Variants in ARHGEF7 observed in about 807,000 individuals in gnomAD.
ARHGEF7 encodes the protein Rho guanine nucleotide exchange factor 7.
Under a neutral mutation model 109.8 loss-of-function variants are expected in ARHGEF7, and 33 were observed. The observed-to-expected ratio is 0.30, with a 90% CI of 0.23 to 0.40. The LOEUF (loss-of-function observed/expected upper bound fraction) is 0.40. ARHGEF7 is among the 10% of genes least tolerant of loss of function. The pLI, the probability that ARHGEF7 is intolerant of heterozygous loss-of-function variation, is 1.00. For synonymous variants in ARHGEF7, 458 were observed against 424.6 expected, an observed-to-expected ratio of 1.08 and a Z score of -0.97; for missense variants, 938 against 1,098.5, an observed-to-expected ratio of 0.85 and a Z score of 2.07.
chr13:111,115,522 C>A lies in ARHGEF7; in HGVS notation c.-5C>A. ...CCCTCCCCGCCTGCCTCCCGGGCCG[C>A]AGCGATGAATTCCGCCGAGCAAACC... On this transcript the variant is annotated 5_prime_UTR_variant, in exon 1 of 22. Coordinates refer to ENST00000646102, the MANE Select transcript of ARHGEF7 (RefSeq NM_001354046.2). 1 of 1,347,694 alleles carries A rather than the reference C, an allele frequency of 7.4e-7. No individual in the cohort carries two copies. The highest frequency in any genetic ancestry group is 1.5e-5 in the South Asian group (1 of 68,308). 83.5% of individuals were successfully genotyped at this position (1,347,694 alleles called of 1,614,324 possible). A position where few individuals can be genotyped will look rare whatever the true frequency, so the allele number is the denominator to read the frequency against.
At chr13:111,234,589 C>T (rs374986075) in intron 6 of ARHGEF7, among the ~76,000 whole-genome samples, 37 of 152,200 alleles carry the variant, frequency 2.4e-4, no homozygotes, top group African/African-American at 8.9e-4. Flanking sequence ...ATCTGTGCAC[C>T]TTCTTGTGAG....
At chr13:111,123,228 C>A (rs1368665167) in intron 1 of ARHGEF7, among the ~76,000 whole-genome samples, 2 of 152,222 alleles carry the variant, frequency 1.3e-5, no homozygotes, top group Non-Finnish European at 2.9e-5. Context: ...CTCTCTCAGG[C>A]CCTGTGTCTA....
chr13:111,276,552 T>TTAG (rs1158889291), intron 12 of ARHGEF7, among the ~76,000 whole-genome samples: 6 of 152,216 alleles, frequency 3.9e-5, no homozygotes, highest in Admixed American at 3.9e-4. Flanking sequence ...CTTTATAATA[T>TTAG]TAGATCTATA....
rs545527985 is a variant in ARHGEF7 at position 111,118,726 on chromosome 13, G to A, written c.165+3035G>A. On this transcript the variant is annotated intron_variant, in intron 1 of 21. Coordinates refer to ENST00000646102, the MANE Select transcript of ARHGEF7 (RefSeq NM_001354046.2). ...TGTAGAGGATGGAAAATTTCTATAA[G>A]ACTAATACAACACATTAAAATCATG... Among the ~76,000 whole-genome samples, 47 of 152,282 alleles carry A rather than the reference G, an allele frequency of 3.1e-4. 1 individual carries two copies. Among genetic ancestry groups the A allele is most frequent in the African/African-American group, 1.1e-3 (46 of 41,554 alleles).
rs768494805 is a variant in ARHGEF7 at position 111,205,290 on chromosome 13, C to T, written c.254C>T (p.Thr85Met). 37 of 1,599,280 alleles carry T rather than the reference C, an allele frequency of 2.3e-5. No individual in the cohort carries two copies. The highest frequency in any genetic ancestry group is 3.1e-5 in the Non-Finnish European group (37 of 1,176,454). Residue 85 changes from threonine (T) to methionine (M), a missense_variant and splice_region_variant, in exon 3 of 22, where the codon ACG (threonine) becomes ATG (methionine). Physicochemically the swap from Thr to Met is moderately conservative, Grantham distance 81 (BLOSUM62 -1). This residue lies in a region of ARHGEF7 where 165 missense variants were observed against 125.8 expected (regional missense o/e 1.31). Coordinates refer to ENST00000646102, the MANE Select transcript of ARHGEF7 (RefSeq NM_001354046.2). ...TGCTTGTTTAATTTTTCCTTTCAGA[C>T]GTTTGATGCAAATGATTTGTATCAG... ...RGCGASLRLE[T>M]FDANDLYQGQ...
intron 5 of ARHGEF7, among the ~76,000 whole-genome samples, chr13:111,221,320 G>T (rs57289502): frequency 7.6e-4 from 12 of 15,804 alleles, no homozygotes; most frequent in Non-Finnish European, 9.1e-4. Context: ...TCTATATATA[G>T]ATATATATGT....
intron 6 of ARHGEF7, among the ~76,000 whole-genome samples, chr13:111,243,534 G>A (rs182204496): frequency 2.5e-4 from 38 of 152,322 alleles, no homozygotes; most frequent in Non-Finnish European, 2.4e-4. Context: ...ACACAGTGTC[G>A]TAGAGATTGA....
At chr13:111,269,181 C>G (rs986247565) in intron 9 of ARHGEF7, among the ~76,000 whole-genome samples, 1 of 152,190 alleles carries the variant, frequency 6.6e-6, no homozygotes, top group Non-Finnish European at 1.5e-5. Flanking sequence ...ACAGCGTCTC[C>G]AAGCGTCCAG....
chr13:111,288,516 C>A, intron 18 of ARHGEF7, 73 bp downstream of exon 18: 1 of 1,270,626 alleles, frequency 7.9e-7, no homozygotes, highest in Non-Finnish European at 1.1e-6. Flanking sequence ...TCTGAAGGAA[C>A]CTGTTGTGGT....
chr13:111,121,665 C>T (rs72670010), intron 1 of ARHGEF7, among the ~76,000 whole-genome samples: 1,698 of 152,358 alleles, frequency 0.011, 10 homozygotes, highest in Non-Finnish European at 0.019. Context: ...CTACCACGTG[C>T]ATCGCTGGGA....
intron 5 of ARHGEF7, among the ~76,000 whole-genome samples, chr13:111,226,501 G>A (rs973409313): frequency 7.2e-5 from 11 of 152,286 alleles, no homozygotes; most frequent in East Asian, 1.9e-4. Flanking sequence ...GCCTCTCTGC[G>A]CTGTAAGTTA....
At chr13:111,163,555 ATATT>A (rs561211403) in intron 2 of ARHGEF7, among the ~76,000 whole-genome samples, 36 of 152,146 alleles carry the variant, frequency 2.4e-4, no homozygotes, top group Admixed American at 1.8e-3. Flanking sequence ...TCATTTTTAA[ATATT>A]TATTTATTTA....
intron 1 of ARHGEF7, among the ~76,000 whole-genome samples, chr13:111,150,849 C>T (rs754550351): frequency 1.3e-5 from 2 of 152,186 alleles, no homozygotes; most frequent in South Asian, 2.1e-4. Flanking sequence ...TCAAGTTCAT[C>T]GTGCAATGAA....
chr13:111,179,078 GTTC>G (rs747627717), intron 2 of ARHGEF7, among the ~76,000 whole-genome samples: 14 of 147,804 alleles, frequency 9.5e-5, no homozygotes, highest in Middle Eastern at 3.5e-3. Flanking sequence ...TCAAATGCCT[GTTC>G]TTTTTTTTTT....
chr13:111,248,004 C>T (rs138830813), intron 8 of ARHGEF7, among the ~76,000 whole-genome samples: 96 of 152,278 alleles, frequency 6.3e-4, no homozygotes, highest in African/African-American at 2.1e-3. Context: ...TTCTGTCTTC[C>T]GTCTTGAAAA....
At chr13:111,297,934 A>G (rs913811354) in intron 19 of ARHGEF7, among the ~76,000 whole-genome samples, 1 of 152,264 alleles carries the variant, frequency 6.6e-6, no homozygotes, top group African/African-American at 2.4e-5. Context: ...AACTTTTTCC[A>G]GTGTGTCTCA....
intron 1 of ARHGEF7, among the ~76,000 whole-genome samples, chr13:111,149,113 A>T (rs1028203046): frequency 9.2e-5 from 14 of 152,104 alleles, no homozygotes; most frequent in African/African-American, 3.4e-4. Flanking sequence ...ACATTTCATT[A>T]AAAAAACCAT....
chr13:111,202,019 C>T (rs1212559645), intron 2 of ARHGEF7, among the ~76,000 whole-genome samples: 2 of 152,174 alleles, frequency 1.3e-5, no homozygotes, highest in Admixed American at 1.3e-4. Flanking sequence ...TGTTAGTTTT[C>T]TGGTGGAAAA....
At chr13:111,216,722 A>AG (rs1429539907) in intron 4 of ARHGEF7, among the ~76,000 whole-genome samples, 1 of 152,126 alleles carries the variant, frequency 6.6e-6, no homozygotes. Flanking sequence ...GTGGTAGGGA[A>AG]GAGGGGTGGG....
Sources: allele counts gnomAD v4.1 joint callset (sites outside exome capture counted in the v4.1 genomes callset), GRCh38; gene constraint gnomAD v4.1.1; regional missense constraint gnomAD v4.1.1; transcripts MANE v1.5; gene names NCBI Gene and HGNC (gene_info 2026-07-23, HGNC 2026-07-21).